The following LAMA2 variants were observed in gnomAD, a reference collection of about 807,000 sequenced individuals.
LAMA2 encodes the protein laminin subunit alpha-2.
LAMA2 carries 269 observed loss-of-function variants against 364.8 expected under a neutral mutation model. The observed-to-expected ratio is 0.74, with a 90% CI of 0.67 to 0.82. LAMA2 has a LOEUF of 0.82. Ranked by LOEUF, LAMA2 falls within the 40% of genes least tolerant of loss-of-function variation. The pLI is 0.00. For missense variants in LAMA2, 3,807 were observed against 3,873.2 expected, an observed-to-expected ratio of 0.98 and a Z score of 0.45; for synonymous variants, 1,379 against 1,370.6, an observed-to-expected ratio of 1.01 and a Z score of -0.14.
chr6:129,227,421 T>G (rs2115117113), intron 12 of LAMA2, among the ~76,000 whole-genome samples: 1 of 152,342 alleles, frequency 6.6e-6, no homozygotes, highest in South Asian at 2.1e-4. Context: ...TTTTTAGAGT[T>G]TTCAGCTTCT....
chr6:129,052,305 C>CTTTTTTTTTTTTTTTTTTTTTT, intron 2 of LAMA2, among the ~76,000 whole-genome samples: 1 of 131,270 alleles, frequency 7.6e-6, no homozygotes, highest in Non-Finnish European at 1.6e-5. Context: ...CCGGCTAATT[C>CTTTTTTTTTTTTTTTTTTTTTT]TTTTTTTTTT....
chr6:128,985,610 T>G (rs1783176462), intron 1 of LAMA2, among the ~76,000 whole-genome samples: 2 of 152,134 alleles, frequency 1.3e-5, no homozygotes, highest in Non-Finnish European at 2.9e-5. Flanking sequence ...ATATAAAAAA[T>G]GGAAGATATG....
intron 1 of LAMA2, among the ~76,000 whole-genome samples, chr6:128,969,301 C>A (rs1243745998): frequency 6.6e-6 from 1 of 152,138 alleles, no homozygotes; most frequent in East Asian, 1.9e-4. Flanking sequence ...TCTTAGATTA[C>A]CACTAACATT....
At chr6:129,430,686 C>T (rs992864926) in intron 41 of LAMA2, among the ~76,000 whole-genome samples, 1 of 151,968 alleles carries the variant, frequency 6.6e-6, no homozygotes, top group Non-Finnish European at 1.5e-5. Context: ...TTTTTAAGGC[C>T]GGGCGCAGTG....
intron 17 of LAMA2, among the ~76,000 whole-genome samples, chr6:129,275,682 TTTCACG>T (rs1218364298): frequency 1.3e-5 from 2 of 151,098 alleles, no homozygotes; most frequent in Admixed American, 1.3e-4. Flanking sequence ...ACTAAATACC[TTTCACG>T]TTAAATCAAC....
chr6:129,297,990 T>C, intron 21 of LAMA2, 125 bp downstream of exon 21: 1 of 640,372 alleles, frequency 1.6e-6, no homozygotes, highest in South Asian at 1.8e-5. Context: ...ATGAGTAATG[T>C]CTACTTATTT....
At chr6:129,504,373 A>G (rs1018286812) in intron 60 of LAMA2, among the ~76,000 whole-genome samples, 1 of 152,230 alleles carries the variant, frequency 6.6e-6, no homozygotes, top group African/African-American at 2.4e-5. Flanking sequence ...CTTAAATACT[A>G]TAATTAGTCA....
At chr6:129,513,968 G>T (rs1328486152) in intron 63 of LAMA2, among the ~76,000 whole-genome samples, 2 of 152,108 alleles carry the variant, frequency 1.3e-5, no homozygotes, top group African/African-American at 4.8e-5. Context: ...CCAAATTAAT[G>T]AGTCACTTTA....
At chr6:129,292,948 A>C (rs1430560251) in intron 20 of LAMA2, 37 of 985,804 alleles carry the variant, frequency 3.8e-5, no homozygotes, top group Non-Finnish European at 4.2e-5. Flanking sequence ...CTCGGCAGGC[A>C]GGTGCACCAA....
chr6:129,263,017 G>A (rs1429244267), intron 15 of LAMA2, among the ~76,000 whole-genome samples: 1 of 152,088 alleles, frequency 6.6e-6, no homozygotes, highest in Non-Finnish European at 1.5e-5. Flanking sequence ...TACTTTCATA[G>A]TGCTGTCATC....
At chr6:129,073,506 T>A (rs1357764148) in intron 3 of LAMA2, among the ~76,000 whole-genome samples, 1 of 152,182 alleles carries the variant, frequency 6.6e-6, no homozygotes, top group Non-Finnish European at 1.5e-5. Context: ...TTCAGTCACA[T>A]CCCTGCTAGA....
At position 129,491,985 on chromosome 6, in the gene LAMA2, C is replaced by T. The variant is rs150184189; in HGVS notation, c.7983C>T (p.Phe2661=). The change falls in exon 57 of 65, where the codon TTC becomes TTT. Residue 2661 remains phenylalanine, a synonymous_variant. Transcript: ENST00000421865. ...VEQPIEVKKL[F]VGGAPPEFQP... is the part of the protein sequence containing the mutation. ...AGCCTATCGAAGTTAAAAAGCTTTT[C>T]GTTGGGGGTGCTCCACCTGAATTTC... 5.6e-5 allele frequency: 91 copies of T among 1,613,916 alleles called. No homozygotes were observed. In the East Asian group the frequency reaches 5.8e-4, roughly 10 times the overall value.
At chr6:129,099,941 G>A (rs1204909941) in intron 4 of LAMA2, among the ~76,000 whole-genome samples, 1 of 152,220 alleles carries the variant, frequency 6.6e-6, no homozygotes, top group Non-Finnish European at 1.5e-5. Flanking sequence ...GGATATGGGA[G>A]TAGGGAGTGC....
chr6:129,509,096 A>G (rs1786351462), intron 62 of LAMA2, among the ~76,000 whole-genome samples: 1 of 152,182 alleles, frequency 6.6e-6, no homozygotes, highest in African/African-American at 2.4e-5. Context: ...CATTTCTCTG[A>G]TGATCAGTGA....
At chr6:129,112,646 T>C (rs530973645) in intron 4 of LAMA2, among the ~76,000 whole-genome samples, 1 of 151,922 alleles carries the variant, frequency 6.6e-6, no homozygotes, top group South Asian at 2.1e-4. Context: ...CATTATGCTT[T>C]TGGGGGATTA....
chr6:129,233,063 T>G (rs1226406552), intron 12 of LAMA2, among the ~76,000 whole-genome samples: 1 of 152,026 alleles, frequency 6.6e-6, no homozygotes, highest in East Asian at 1.9e-4. Context: ...AACAAGGAGA[T>G]AGATTCTCCT....
At chr6:129,174,202 TTTC>T (rs544943728) in intron 9 of LAMA2, among the ~76,000 whole-genome samples, 1 of 152,096 alleles carries the variant, frequency 6.6e-6, no homozygotes, top group Non-Finnish European at 1.5e-5. Flanking sequence ...ATGTATTTGT[TTTC>T]TTCATTTGTA....
At chr6:129,219,725 G>C (rs902475004) in intron 12 of LAMA2, among the ~76,000 whole-genome samples, 24 of 128,942 alleles carry the variant, frequency 1.9e-4, no homozygotes, top group Non-Finnish European at 3.0e-4. Flanking sequence ...ACTATCACAA[G>C]GACAAAAAAA....
Position 128,883,186 on chromosome 6 carries a change from G to C in LAMA2, c.-60G>C. The C allele has an allele frequency of 6.8e-7, 1 of 1,480,450 alleles. No individual in the cohort carries two copies. 91.7% of individuals were successfully genotyped at this position (1,480,450 alleles called of 1,614,324 possible). A position where few individuals can be genotyped will look rare whatever the true frequency, so the allele number is the denominator to read the frequency against. The stretch of plus-strand genomic sequence containing the variant: ...GCTCAGCTCACAAGCCAAGGCCAGG[G>C]GACAGGGCGGCAGCGACTCCTCTGG... On this transcript the variant is annotated 5_prime_UTR_variant, in exon 1 of 65. Transcript: ENST00000421865.
Sources: allele counts gnomAD v4.1 joint callset (sites outside exome capture counted in the v4.1 genomes callset), GRCh38; gene constraint gnomAD v4.1.1; transcripts MANE v1.5; gene names NCBI Gene and HGNC (gene_info 2026-07-23, HGNC 2026-07-21).